CNTN3: variants seen among roughly 807,000 people sequenced by gnomAD.
The protein encoded by CNTN3 is contactin-3.
A neutral mutation model predicts 119.1 loss-of-function variants in CNTN3; 60 were observed. The observed-to-expected ratio is 0.50, with a 90% CI of 0.41 to 0.62. CNTN3 has a LOEUF of 0.62. Among genes scored for constraint, CNTN3 ranks in the 20% least tolerant of loss-of-function variants. CNTN3 has a pLI of 0.00. For missense variants in CNTN3, 1,101 were observed against 1,242.4 expected (o/e 0.89, Z 1.71); for synonymous variants, 450 against 438.7 (o/e 1.03, Z -0.32).
intron 13 of CNTN3, among the ~76,000 whole-genome samples, chr3:74,321,051 A>G (rs984077333): frequency 1.2e-4 from 19 of 152,244 alleles, no homozygotes; most frequent in South Asian, 6.2e-4. Context: ...CAAATACCAA[A>G]TGTTCTCAGT....
chr3:74,340,483 TCCCAA>T (rs1182337448), intron 11 of CNTN3, among the ~76,000 whole-genome samples: 1 of 151,992 alleles, frequency 6.6e-6, no homozygotes, highest in Non-Finnish European at 1.5e-5. Flanking sequence ...AGAGCCATGC[TCCCAA>T]CCCATCTGAT....
At chr3:74,340,131 A>C (rs1703499678) in intron 11 of CNTN3, among the ~76,000 whole-genome samples, 2 of 152,262 alleles carry the variant, frequency 1.3e-5, no homozygotes, top group Admixed American at 1.3e-4. Flanking sequence ...AGTAGAGACT[A>C]TTTAAAGTAT....
chr3:74,437,518 T>C (rs1701889361), intron 4 of CNTN3, among the ~76,000 whole-genome samples: 1 of 152,114 alleles, frequency 6.6e-6, no homozygotes, highest in East Asian at 1.9e-4. Context: ...TTTGCTCTTC[T>C]AAAGTATCTA....
intron 11 of CNTN3, among the ~76,000 whole-genome samples, chr3:74,358,353 A>C (rs1703989343): frequency 6.6e-6 from 1 of 151,870 alleles, no homozygotes; most frequent in Admixed American, 6.6e-5. Flanking sequence ...TTTTATTACC[A>C]CGAGACACTG....
chr3:74,594,823 G>C (rs1222642232), intron 1 of CNTN3, among the ~76,000 whole-genome samples: 4 of 151,782 alleles, frequency 2.6e-5, no homozygotes, highest in Non-Finnish European at 5.9e-5. Flanking sequence ...GTAATGGGAT[G>C]GCTGGGTCAA....
At chr3:74,357,563 G>A (rs774917070) in intron 11 of CNTN3, among the ~76,000 whole-genome samples, 16 of 152,102 alleles carry the variant, frequency 1.1e-4, no homozygotes, top group Non-Finnish European at 2.1e-4. Flanking sequence ...GATTACAGGC[G>A]TGACCCACTG....
chr3:74,567,814 C>A (rs887809645), intron 1 of CNTN3, among the ~76,000 whole-genome samples: 1 of 152,120 alleles, frequency 6.6e-6, no homozygotes, highest in African/African-American at 2.4e-5. Context: ...TAGGAGAATA[C>A]AAATGAGGAA....
intron 22 of CNTN3, 78 bp downstream of exon 22, chr3:74,266,403 G>T: frequency 7.3e-7 from 1 of 1,376,012 alleles, no homozygotes. Flanking sequence ...AGAATGGACA[G>T]AGGGATACTG....
chr3:74,401,628 C>T (rs931915657), intron 5 of CNTN3, among the ~76,000 whole-genome samples: 2 of 152,116 alleles, frequency 1.3e-5, no homozygotes, highest in Non-Finnish European at 2.9e-5. Context: ...ACTTCTTTCT[C>T]TTAGTAAATT....
intron 13 of CNTN3, among the ~76,000 whole-genome samples, chr3:74,307,297 T>A (rs928508361): frequency 6.6e-6 from 1 of 152,214 alleles, no homozygotes; most frequent in African/African-American, 2.4e-5. Flanking sequence ...GACAGTAATA[T>A]TTTTTCTTTT....
intron 20 of CNTN3, among the ~76,000 whole-genome samples, 190 bp downstream of exon 20, chr3:74,285,115 A>G (rs904665831): frequency 6.6e-6 from 1 of 152,072 alleles, no homozygotes; most frequent in Non-Finnish European, 1.5e-5. Flanking sequence ...TTCACACTCT[A>G]CCTAAAGATT....
intron 16 of CNTN3, among the ~76,000 whole-genome samples, chr3:74,300,347 G>C (rs628395): frequency 0.37 from 55,649 of 151,964 alleles, 11,612 homozygotes; most frequent in East Asian, 0.72. Flanking sequence ...GGATGACCCA[G>C]ACTCAAACCC....
At chr3:74,487,076 T>G (rs547620346) in intron 3 of CNTN3, among the ~76,000 whole-genome samples, 5 of 152,348 alleles carry the variant, frequency 3.3e-5, no homozygotes, top group African/African-American at 1.2e-4. Flanking sequence ...AGTGCTCAAC[T>G]ATCCATTTCA....
chr3:74,266,405 G>A, intron 22 of CNTN3, 76 bp downstream of exon 22: 1 of 1,382,076 alleles, frequency 7.2e-7, no homozygotes, highest in Non-Finnish European at 1.0e-6. Flanking sequence ...AATGGACAGA[G>A]GGATACTGAT....
At chr3:74,520,349 T>G (rs1322067611) in intron 2 of CNTN3, among the ~76,000 whole-genome samples, 5 of 151,562 alleles carry the variant, frequency 3.3e-5, no homozygotes, top group Admixed American at 3.3e-4. Flanking sequence ...TTCATTGTAT[T>G]ATTGTTTCAG....
At chr3:74,435,960 A>T (rs918659393) in intron 4 of CNTN3, among the ~76,000 whole-genome samples, 3 of 152,140 alleles carry the variant, frequency 2.0e-5, no homozygotes, top group African/African-American at 4.8e-5. Flanking sequence ...TATAAAACAC[A>T]CTCTCAGTTT....
chr3:74,314,112 G>T (rs1457760560), intron 13 of CNTN3, among the ~76,000 whole-genome samples: 2 of 152,078 alleles, frequency 1.3e-5, no homozygotes, highest in African/African-American at 4.8e-5. Context: ...GTGGGAGTTA[G>T]GATTTCAACA....
intron 4 of CNTN3, among the ~76,000 whole-genome samples, chr3:74,439,938 T>C (rs1041793555): frequency 1.3e-5 from 2 of 152,198 alleles, no homozygotes; most frequent in Non-Finnish European, 2.9e-5. Context: ...ATGCAGTTCC[T>C]TGGTTTCTCT....
chr3:74,530,216 G>T (rs1448993185), intron 1 of CNTN3, among the ~76,000 whole-genome samples: 5 of 151,980 alleles, frequency 3.3e-5, no homozygotes, highest in Admixed American at 3.3e-4. Context: ...TTCTAGACTG[G>T]AAGACAGAGG....
Sources: allele counts gnomAD v4.1 joint callset (sites outside exome capture counted in the v4.1 genomes callset), GRCh38; gene constraint gnomAD v4.1.1; transcripts MANE v1.5; gene names NCBI Gene and HGNC (gene_info 2026-07-23, HGNC 2026-07-21).